Variants in GCC2 observed in about 807,000 individuals in gnomAD.
GCC2 encodes the protein GRIP and coiled-coil domain containing 2.
In GCC2, 120 loss-of-function variants were observed where a neutral mutation model predicts 210.6. The ratio of observed to expected loss-of-function variants is 0.57; its 90% CI spans 0.49 to 0.66. The LOEUF (loss-of-function observed/expected upper bound fraction) is 0.66. Ranked by LOEUF, GCC2 falls within the 30% of genes least tolerant of loss-of-function variation. GCC2 has a pLI of 0.00. For synonymous variants in GCC2, 703 were observed against 652.7 expected (o/e 1.08, Z -1.17); for missense variants, 1,868 against 1,871.9 (o/e 1.00, Z 0.04).
At chr2:108,481,261 CCTTTA>C (rs796424931) in intron 9 of GCC2, among the ~76,000 whole-genome samples, 60 of 152,274 alleles carry the variant, frequency 3.9e-4, no homozygotes, top group African/African-American at 1.3e-3. Context: ...TTCATTAGCA[CCTTTA>C]CTTTATATTA....
chr2:108,493,577 G>A (rs1407153823), intron 19 of GCC2: 1 of 985,268 alleles, frequency 1.0e-6, no homozygotes, highest in Non-Finnish European at 1.2e-6. Context: ...CAATTAGTTG[G>A]AGTTTTAGTT....
At chr2:108,501,411 C>T (rs1428445198) in intron 22 of GCC2, among the ~76,000 whole-genome samples, 1 of 152,086 alleles carries the variant, frequency 6.6e-6, no homozygotes, top group African/African-American at 2.4e-5. Flanking sequence ...TACAGGGTAA[C>T]ACTGAACTTG....
intron 4 of GCC2, among the ~76,000 whole-genome samples, chr2:108,465,228 T>C (rs1451240618): frequency 6.6e-6 from 1 of 152,236 alleles, no homozygotes; most frequent in Non-Finnish European, 1.5e-5. Context: ...TTGGATGATC[T>C]GTATGTATGT....
At chr2:108,495,575 G>A (rs1167701656) in intron 20 of GCC2, 90 bp downstream of exon 20, 2 of 823,574 alleles carry the variant, frequency 2.4e-6, no homozygotes, top group Non-Finnish European at 3.7e-6. Context: ...GCTTTTTTGG[G>A]CTGCTCCAAT....
At chr2:108,449,420 C>T in intron 1 of GCC2, 140 bp downstream of exon 1, 1 of 1,415,826 alleles carries the variant, frequency 7.1e-7, no homozygotes, top group South Asian at 1.4e-5. Flanking sequence ...CCCCATCTTT[C>T]GTAAACTCTA....
At chr2:108,472,935 T>C (rs952868588) in intron 7 of GCC2, 36 bp downstream of exon 7, 1 of 1,180,114 alleles carries the variant, frequency 8.5e-7, no homozygotes, top group South Asian at 1.3e-5. Flanking sequence ...CACAATTAAT[T>C]AGACAGATTC....
At chr2:108,474,146 A>T (rs918579634) in intron 7 of GCC2, among the ~76,000 whole-genome samples, 1 of 152,278 alleles carries the variant, frequency 6.6e-6, no homozygotes, top group Non-Finnish European at 1.5e-5. Context: ...CGACAGAGGG[A>T]GACTCCGTCT....
chr2:108,500,550 T>C (rs1682870496), intron 22 of GCC2, among the ~76,000 whole-genome samples: 1 of 152,178 alleles, frequency 6.6e-6, no homozygotes, highest in South Asian at 2.1e-4. Flanking sequence ...ATGATGTAGT[T>C]AGAGTTGGTT....
chr2:108,469,483 A>G, intron 5 of GCC2, 168 bp from the exon 6 acceptor site: 1 of 547,260 alleles, frequency 1.8e-6, no homozygotes, highest in Non-Finnish European at 3.2e-6. Context: ...TACTTTAGAT[A>G]GGCAGCACCT....
At chr2:108,465,039 A>C (rs1311938192) in intron 4 of GCC2, among the ~76,000 whole-genome samples, 1 of 152,208 alleles carries the variant, frequency 6.6e-6, no homozygotes, top group East Asian at 1.9e-4. Flanking sequence ...CTTTTCACCA[A>C]GGGAATGGCC....
chr2:108,452,691 C>CTTTTTTTTT (rs34444254), intron 4 of GCC2, among the ~76,000 whole-genome samples: 8 of 99,392 alleles, frequency 8.0e-5, no homozygotes, highest in South Asian at 3.4e-4. Context: ...TTTTTTCTTT[C>CTTTTTTTTT]TTTTTTTTTT....
chr2:108,454,194 G>A (rs952587780), intron 4 of GCC2, among the ~76,000 whole-genome samples: 4 of 152,218 alleles, frequency 2.6e-5, no homozygotes, highest in South Asian at 2.1e-4. Flanking sequence ...GTTTCACCAC[G>A]TTAGCCAGGA....
chr2:108,449,722 A>C (rs777340644), intron 2 of GCC2, 33 bp downstream of exon 2: 3 of 1,568,420 alleles, frequency 1.9e-6, no homozygotes. Flanking sequence ...GGGCTTCCTG[A>C]AGAGTGGAAG....
rs1208301358 is a variant in GCC2, at chr2:108,472,863, CCT to C, written c.2827_2828del (p.Leu943ValfsTer26). The C allele has an allele frequency of 1.3e-6, 2 of 1,593,866 alleles. No homozygotes were observed. Among genetic ancestry groups the C allele is most frequent in the Non-Finnish European group, 1.7e-6 (2 of 1,167,448 alleles). ...LAKSPSVKNDPLSSVKELEEK... is the reference protein window; with the variant it reads ...LAKSPSVKNDXLSSVKELEEK... Reference sequence around the variant, plus strand: ...AAAATCACCTTCTGTAAAAAATGATCCTCTGTCTTCAGTAAAAGAGTTGGAAG... The same window carrying C: ...AAAATCACCTTCTGTAAAAAATGATCCTGTCTTCAGTAAAAGAGTTGGAAG... On this transcript the variant is annotated frameshift_variant, in exon 7 of 23. Transcript: ENST00000309863. LOFTEE classifies it high-confidence loss of function.
intron 18 of GCC2, 167 bp downstream of exon 18, chr2:108,490,181 A>G (rs1373500248): frequency 1.8e-5 from 8 of 448,270 alleles, no homozygotes; most frequent in Non-Finnish European, 2.7e-5. Flanking sequence ...CGCCTTTTAC[A>G]TTGCTTTTGT....
In GCC2 at chr2:108,495,444, A is replaced by G. The variant is rs138424495; in HGVS notation, c.4601A>G (p.Gln1534Arg). Reference sequence around the variant, plus strand: ...GTGTCTTCCGCCAGCACATACACACAGTCTTTAGAGCAGCTGCTTAACTCT... The same window carrying G: ...GTGTCTTCCGCCAGCACATACACACGGTCTTTAGAGCAGCTGCTTAACTCT... ...ESVSSASTYT[Q>R]SLEQLLNSPE... Residue 1534 changes from glutamine to arginine, a missense_variant, in exon 20 of 23, where the codon CAG becomes CGG. By Grantham distance (43) the Gln-to-Arg change is conservative. Around this residue, in one of 3 missense-constraint regions of GCC2, gnomAD observed 1,847 missense variants for 1,765.2 expected, o/e 1.05. Coordinates refer to ENST00000309863, the MANE Select transcript of GCC2 (RefSeq NM_181453.4). 155 of 1,594,302 alleles carry G rather than the reference A, an allele frequency of 9.7e-5. 1 individual carries two copies. In the East Asian group the frequency reaches 3.4e-3, roughly 35 times the overall value.
intron 4 of GCC2, among the ~76,000 whole-genome samples, chr2:108,463,496 C>T (rs946924517): frequency 6.6e-6 from 1 of 152,134 alleles, no homozygotes; most frequent in Non-Finnish European, 1.5e-5. Flanking sequence ...GTGATTTCAT[C>T]AGTGACTTAG....
Position 108,500,664 on chromosome 2 carries a change from T to C in GCC2, c.4984+910T>C, listed in dbSNP as rs148777798. Among the ~76,000 whole-genome samples, 774 of 152,352 alleles carry C rather than the reference T, an allele frequency of 5.1e-3. 2 individuals carry two copies. The highest frequency in any genetic ancestry group is 0.031 in the Middle Eastern group (9 of 294). ...AATTCAAGCTGCATCTTAAGAATTA[T>C]GGTTTCATGTTTGTTTTAGTTTTAA... On this transcript the variant is annotated intron_variant, in intron 22 of 22. Transcript: ENST00000309863.
At position 108,483,178 on chromosome 2, in the gene GCC2, C is replaced by T. The variant is rs776813674; in HGVS notation, c.3450+12C>T. The T allele has an allele frequency of 1.3e-5, 15 of 1,198,276 alleles. No homozygotes were observed. The highest frequency in any genetic ancestry group is 1.7e-5 in the Admixed American group (1 of 57,386). The allele number at this position is 1,198,276 out of a possible 1,614,324, so 74.2% of individuals were successfully genotyped here. On this transcript the variant is annotated intron_variant, in intron 12 of 22. Transcript: ENST00000309863. ...AGCTGGTTAAAAAGGTAAAATAAAACACTAGGATCAAAATTGATGTAATAT... is the reference window on the plus strand; with the variant it reads ...AGCTGGTTAAAAAGGTAAAATAAAATACTAGGATCAAAATTGATGTAATAT...
Sources: gnomAD v4.1 joint callset for allele counts (sites outside exome capture counted in the v4.1 genomes callset) on GRCh38, gnomAD v4.1.1 for gene constraint, gnomAD v4.1.1 regional missense constraint, MANE v1.5 for transcripts, NCBI Gene and HGNC (gene_info 2026-07-23, HGNC 2026-07-21) for gene names.